Variants in CFAP221 observed in about 807,000 individuals in gnomAD.
CFAP221 encodes the protein cilia and flagella associated protein 221, also known as cilia- and flagella-associated protein 221.
CFAP221 carries 97 observed loss-of-function variants against 113.1 expected under a neutral mutation model. The ratio of observed to expected loss-of-function variants is 0.86; its 90% CI spans 0.73 to 1.02. The LOEUF (loss-of-function observed/expected upper bound fraction) is 1.02, where lower values mean the gene tolerates loss of function less well. Ranked by LOEUF, CFAP221 falls within the 50% of genes least tolerant of loss-of-function variation. CFAP221 has a pLI of 0.00. For missense variants in CFAP221, 1,025 were observed against 1,013.4 expected, an observed-to-expected ratio of 1.01 and a Z score of -0.16; for synonymous variants, 331 against 354.4, an observed-to-expected ratio of 0.93 and a Z score of 0.74.
rs1332894832 is a variant in CFAP221 at position 119,627,727 on chromosome 2, A to G, written c.1591A>G (p.Lys531Glu). 13 of 1,613,702 alleles carry G rather than the reference A, an allele frequency of 8.1e-6. No individual in the cohort carries two copies. The highest frequency in any genetic ancestry group is 1.6e-4 in the Middle Eastern group (1 of 6,082). ...TACCAGCCGGTTCTCTGTGTCGCCCAAGGAGGTGCTGCCCTTCGCTTTCCC... is the reference window on the plus strand; with the variant it reads ...TACCAGCCGGTTCTCTGTGTCGCCCGAGGAGGTGCTGCCCTTCGCTTTCCC... ...DYTSRFSVSP[K>E]EVLPFAFPDC... Residue 531 changes from lysine to glutamate, a missense_variant, in exon 16 of 24, where the codon AAG (lysine) becomes GAG (glutamate). Physicochemically the swap from Lys to Glu is moderately conservative, Grantham distance 56. Transcript: ENST00000413369.
chr2:119,658,340 A>T (rs1298229549), downstream of CFAP221, among the ~76,000 whole-genome samples: 1 of 152,108 alleles, frequency 6.6e-6, no homozygotes, highest in Non-Finnish European at 1.5e-5. Context: ...CTCAGGTTAC[A>T]CCTCTGACCT....
intron 14 of CFAP221, among the ~76,000 whole-genome samples, chr2:119,622,582 C>G (rs1263726083): frequency 6.6e-6 from 1 of 152,180 alleles, no homozygotes; most frequent in Non-Finnish European, 1.5e-5. Flanking sequence ...AAATTTCAGG[C>G]CAATATCCCT....
At chr2:119,589,449 A>G (rs771981141) in intron 7 of CFAP221, among the ~76,000 whole-genome samples, 7 of 152,216 alleles carry the variant, frequency 4.6e-5, no homozygotes, top group Non-Finnish European at 8.8e-5. Flanking sequence ...CCTCCGTTTT[A>G]CAAACTGGGT....
chr2:119,576,358 C>T (rs1011940845), intron 6 of CFAP221, among the ~76,000 whole-genome samples: 2 of 152,138 alleles, frequency 1.3e-5, no homozygotes, highest in Non-Finnish European at 2.9e-5. Flanking sequence ...CTCCTCTCAC[C>T]CTCCACACTC....
chr2:119,559,203 G>C (rs1314313449), intron 3 of CFAP221, among the ~76,000 whole-genome samples: 1 of 152,168 alleles, frequency 6.6e-6, no homozygotes, highest in East Asian at 1.9e-4. Flanking sequence ...CTTTTCATCT[G>C]CCCAGGCGTG....
intron 13 of CFAP221, among the ~76,000 whole-genome samples, chr2:119,615,078 C>T (rs1040220898): frequency 1.3e-5 from 2 of 152,198 alleles, no homozygotes; most frequent in Non-Finnish European, 2.9e-5. Context: ...ATATAATTTC[C>T]TTATTCAAGA....
intron 7 of CFAP221, among the ~76,000 whole-genome samples, chr2:119,591,542 C>CATG (rs1255231308): frequency 1.3e-5 from 2 of 152,238 alleles, no homozygotes; most frequent in Non-Finnish European, 2.9e-5. Context: ...ACATCACATG[C>CATG]ACCATCTCAT....
downstream of CFAP221, among the ~76,000 whole-genome samples, chr2:119,657,595 A>G (rs1688484318): frequency 6.6e-6 from 1 of 152,226 alleles, no homozygotes; most frequent in Non-Finnish European, 1.5e-5. Context: ...TTCCTCTAAC[A>G]TTAACATCTC....
intron 3 of CFAP221, among the ~76,000 whole-genome samples, chr2:119,556,391 A>C (rs1680801489): frequency 6.6e-6 from 1 of 152,106 alleles, no homozygotes; most frequent in South Asian, 2.1e-4. Flanking sequence ...GTTGTTTCTT[A>C]TTTCTCTGTT....
intron 8 of CFAP221, among the ~76,000 whole-genome samples, chr2:119,602,404 C>T (rs908157591): frequency 6.6e-6 from 1 of 152,102 alleles, no homozygotes; most frequent in East Asian, 1.9e-4. Flanking sequence ...AAAGTTGTCA[C>T]AGTATAAATA....
chr2:119,648,957 C>T (rs1479112396), intron 22 of CFAP221, among the ~76,000 whole-genome samples: 2 of 152,222 alleles, frequency 1.3e-5, no homozygotes, highest in Non-Finnish European at 2.9e-5. Flanking sequence ...CCTGCCTGAT[C>T]ATTCTGCATT....
chr2:119,646,156 A>G (rs949015520), intron 21 of CFAP221, among the ~76,000 whole-genome samples: 1 of 152,244 alleles, frequency 6.6e-6, no homozygotes, highest in African/African-American at 2.4e-5. Flanking sequence ...GGGGAGGAAG[A>G]TATGAAATGG....
intron 21 of CFAP221, among the ~76,000 whole-genome samples, chr2:119,644,583 C>G (rs1687684170): frequency 6.6e-6 from 1 of 152,144 alleles, no homozygotes; most frequent in Non-Finnish European, 1.5e-5. Context: ...AGACCAAAAT[C>G]TGGGTGCTAT....
intron 16 of CFAP221, among the ~76,000 whole-genome samples, chr2:119,629,612 C>G (rs899076031): frequency 3.3e-5 from 5 of 152,206 alleles, no homozygotes; most frequent in African/African-American, 7.2e-5. Flanking sequence ...CTGAGTCCTT[C>G]AAGCCTGAGG....
chr2:119,545,927 A>G (rs1282150475), intron 1 of CFAP221, among the ~76,000 whole-genome samples, 158 bp from the exon 2 acceptor site: 1 of 152,162 alleles, frequency 6.6e-6, no homozygotes, highest in African/African-American at 2.4e-5. Context: ...GATTAATGGG[A>G]CAGCCATGTG....
At chr2:119,610,904 A>G (rs956091031) in intron 12 of CFAP221, among the ~76,000 whole-genome samples, 9 of 152,164 alleles carry the variant, frequency 5.9e-5, no homozygotes, top group Admixed American at 4.6e-4. Context: ...GGGCAGACAC[A>G]TATAGACACT....
chr2:119,629,488 C>T lies in CFAP221; in HGVS notation c.1651-387C>T, dbSNP rs139119683. ...TGAGCTGCCTGGGAGGAGCGCTTGA[C>T]TCTGACTGATGCAGTGCCGTTCAGA... On this transcript the variant is annotated intron_variant, in intron 16 of 23. Transcript: ENST00000413369. 3.7e-3 allele frequency among the ~76,000 whole-genome samples: 566 copies of T among 152,338 alleles called. 7 individuals are homozygous for T. Among genetic ancestry groups the T allele is most frequent in the African/African-American group, 0.013 (532 of 41,568 alleles).
At chr2:119,602,627 T>C (rs767786573) in intron 8 of CFAP221, 3 of 985,352 alleles carry the variant, frequency 3.0e-6, no homozygotes, top group Non-Finnish European at 3.6e-6. Flanking sequence ...GCAGCCTAAG[T>C]CAACTGTAGG....
At chr2:119,610,795 C>T (rs1685095394) in intron 12 of CFAP221, among the ~76,000 whole-genome samples, 1 of 152,116 alleles carries the variant, frequency 6.6e-6, no homozygotes, top group South Asian at 2.1e-4. Context: ...ACTTAAGAGC[C>T]AAGCTGGTTT....
Sources: gnomAD v4.1 joint callset for allele counts (sites outside exome capture counted in the v4.1 genomes callset) on GRCh38, gnomAD v4.1.1 for gene constraint, MANE v1.5 for transcripts, NCBI Gene and HGNC (gene_info 2026-07-23, HGNC 2026-07-21) for gene names.